Variants in C12orf42 observed in about 807,000 individuals in gnomAD.
The protein encoded by C12orf42 is chromosome 12 open reading frame 42.
C12orf42 carries 25 observed loss-of-function variants against 21.6 expected under a neutral mutation model. That is an observed-to-expected ratio of 1.16 (90% confidence interval 0.84 to 1.62). C12orf42 has a LOEUF of 1.62. Among genes scored for constraint, C12orf42 ranks in the 40% most tolerant of loss-of-function variants. The pLI, the probability that C12orf42 is intolerant of heterozygous loss-of-function variation, is 0.00. For synonymous variants in C12orf42, 174 were observed against 175.0 expected, an observed-to-expected ratio of 0.99 and a Z score of 0.05; for missense variants, 483 against 459.3, an observed-to-expected ratio of 1.05 and a Z score of -0.47.
chr12:103,551,612 T>C, the C12orf42 span, among the ~76,000 whole-genome samples: 3 of 151,710 alleles, frequency 2.0e-5, no homozygotes, highest in Non-Finnish European at 2.9e-5. Context: ...AGGTCAGGAG[T>C]TCAAGACCAG....
At chr12:103,229,418 G>C in the C12orf42 span, among the ~76,000 whole-genome samples, 1 of 152,214 alleles carries the variant, frequency 6.6e-6, no homozygotes, top group Admixed American at 6.5e-5. Context: ...GCAAGGCAGT[G>C]GTTGTGTTTG....
the C12orf42 span, among the ~76,000 whole-genome samples, chr12:103,226,520 T>G: frequency 6.6e-6 from 1 of 152,104 alleles, no homozygotes; most frequent in East Asian, 1.9e-4. Flanking sequence ...TGCTTCTGAT[T>G]TGGGATAAAG....
At chr12:103,407,679 CA>C (rs1379555161) in intron 2 of C12orf42, among the ~76,000 whole-genome samples, 2 of 152,102 alleles carry the variant, frequency 1.3e-5, no homozygotes, top group Non-Finnish European at 2.9e-5. Context: ...TTGGGGGAGT[CA>C]AAAGTTATGC....
At chr12:103,472,241 A>C (rs1316408323) in intron 2 of C12orf42, among the ~76,000 whole-genome samples, 2 of 151,810 alleles carry the variant, frequency 1.3e-5, no homozygotes, top group African/African-American at 4.8e-5. Flanking sequence ...ATTTCAGTAG[A>C]GACGGGGTTT....
the C12orf42 span, chr12:103,558,711 G>A: frequency 6.6e-6 from 1 of 152,150 alleles, no homozygotes; most frequent in Non-Finnish European, 1.5e-5. Context: ...TCCCTACGGT[G>A]GGCCAGGCCT....
the C12orf42 span, among the ~76,000 whole-genome samples, chr12:103,228,681 A>G: frequency 2.0e-5 from 3 of 152,184 alleles, no homozygotes; most frequent in Non-Finnish European, 4.4e-5. Flanking sequence ...TACTTTCTAT[A>G]CAAATGTAAA....
chr12:103,346,795 GGTACCATC>G (rs1249735324), intron 4 of C12orf42, among the ~76,000 whole-genome samples: 9 of 152,140 alleles, frequency 5.9e-5, no homozygotes, highest in Non-Finnish European at 1.3e-4. Flanking sequence ...TCCAAAGTCA[GGTACCATC>G]TTGACAGAAC....
At chr12:103,121,762 T>C in the C12orf42 span, among the ~76,000 whole-genome samples, 6 of 152,230 alleles carry the variant, frequency 3.9e-5, no homozygotes, top group Non-Finnish European at 8.8e-5. Context: ...TCAGACTAGA[T>C]GAAAAGATTA....
chr12:103,433,776 T>A (rs1162789440), intron 2 of C12orf42, among the ~76,000 whole-genome samples: 4 of 152,182 alleles, frequency 2.6e-5, no homozygotes, highest in Non-Finnish European at 5.9e-5. Flanking sequence ...AGTGCAAAAA[T>A]GAAATGTTTG....
chr12:103,511,864 T>A, the C12orf42 span, among the ~76,000 whole-genome samples: 1 of 152,224 alleles, frequency 6.6e-6, no homozygotes, highest in African/African-American at 2.4e-5. Context: ...TTTTTTCTTT[T>A]TGGAAGTGTT....
At chr12:103,170,074 G>A in the C12orf42 span, among the ~76,000 whole-genome samples, 2 of 152,146 alleles carry the variant, frequency 1.3e-5, no homozygotes. Context: ...AGTACTCCAG[G>A]CTTGAGTGGT....
the C12orf42 span, chr12:103,548,918 G>A: frequency 1.9e-4 from 29 of 152,204 alleles, 1 homozygote; most frequent in East Asian, 3.9e-3. Flanking sequence ...GAGTTCTCAC[G>A]ACAAAGTCAC....
At chr12:103,063,008 A>C in the C12orf42 span, among the ~76,000 whole-genome samples, 76 of 152,312 alleles carry the variant, frequency 5.0e-4, no homozygotes, top group African/African-American at 1.8e-3. Flanking sequence ...AGTCCTTGGC[A>C]TGAATTGTTT....
intron 2 of C12orf42, among the ~76,000 whole-genome samples, chr12:103,438,783 C>T (rs1950953157): frequency 6.6e-6 from 1 of 151,750 alleles, no homozygotes; most frequent in African/African-American, 2.4e-5. Context: ...GAAGAACATT[C>T]CATGCTCATG....
chr12:103,310,380 G>A (rs1168710069), intron 4 of C12orf42, among the ~76,000 whole-genome samples: 1 of 152,058 alleles, frequency 6.6e-6, no homozygotes, highest in Non-Finnish European at 1.5e-5. Flanking sequence ...CCAGTCTCAG[G>A]TATTTCTTTA....
chr12:103,115,096 A>G, the C12orf42 span, among the ~76,000 whole-genome samples: 1 of 152,222 alleles, frequency 6.6e-6, no homozygotes, highest in African/African-American at 2.4e-5. Flanking sequence ...CTGGTCACAC[A>G]TCATCTTGCA....
At chr12:103,059,739 T>G in the C12orf42 span, among the ~76,000 whole-genome samples, 64 of 152,314 alleles carry the variant, frequency 4.2e-4, no homozygotes, top group African/African-American at 1.5e-3. Context: ...TGTCAAGGAT[T>G]ATCTCAGTAA....
chr12:103,373,253 A>G (rs1359347834), intron 3 of C12orf42, among the ~76,000 whole-genome samples: 1 of 152,244 alleles, frequency 6.6e-6, no homozygotes, highest in Non-Finnish European at 1.5e-5. Flanking sequence ...CCACTCAAGC[A>G]TCTGCTCATT....
chr12:103,085,621 T>C, the C12orf42 span, among the ~76,000 whole-genome samples: 2 of 151,854 alleles, frequency 1.3e-5, no homozygotes, highest in Non-Finnish European at 2.9e-5. Flanking sequence ...AGGAGTGTAA[T>C]GAAGAATCTG....
Sources: allele counts gnomAD v4.1 joint callset (sites outside exome capture counted in the v4.1 genomes callset), GRCh38; gene constraint gnomAD v4.1.1; transcripts MANE v1.5; gene names NCBI Gene and HGNC (gene_info 2026-07-23, HGNC 2026-07-21).